The following CADM2 variants were observed in gnomAD, a reference collection of about 807,000 sequenced individuals.
The protein encoded by CADM2 is immunoglobulin superfamily member 4D.
A neutral mutation model predicts 49.8 loss-of-function variants in CADM2; 12 were observed. The ratio of observed to expected loss-of-function variants is 0.24; its 90% CI spans 0.15 to 0.39. The LOEUF (loss-of-function observed/expected upper bound fraction) is 0.39. CADM2 is among the 10% of genes least tolerant of loss of function. The pLI, the probability that CADM2 is intolerant of heterozygous loss-of-function variation, is 1.00. For missense variants in CADM2, 378 were observed against 492.3 expected, an observed-to-expected ratio of 0.77 and a Z score of 2.20; for synonymous variants, 214 against 175.4, an observed-to-expected ratio of 1.22 and a Z score of -1.74.
chr3:85,246,212 C>T (rs112408058), intron 1 of CADM2, among the ~76,000 whole-genome samples: 19 of 152,098 alleles, frequency 1.2e-4, no homozygotes, highest in Admixed American at 3.3e-4. Flanking sequence ...AACCAAACAC[C>T]GCATGTTCTC....
intron 1 of CADM2, among the ~76,000 whole-genome samples, chr3:85,662,355 A>G (rs1194851685): frequency 1.3e-5 from 2 of 151,846 alleles, no homozygotes; most frequent in Non-Finnish European, 2.9e-5. Flanking sequence ...CATTTACACA[A>G]TTGCTGCTTC....
At chr3:85,971,393 C>A (rs1015864759) in intron 8 of CADM2, among the ~76,000 whole-genome samples, 3 of 151,616 alleles carry the variant, frequency 2.0e-5, no homozygotes, top group Admixed American at 6.6e-5. Context: ...GATGAGGAAG[C>A]ATAGATGCAT....
At chr3:85,693,566 C>CAAAAAAAAAAAA (rs562723713) in intron 1 of CADM2, among the ~76,000 whole-genome samples, 2 of 76,118 alleles carry the variant, frequency 2.6e-5, no homozygotes, top group Non-Finnish European at 4.9e-5. Context: ...GGCGAAAGAG[C>CAAAAAAAAAAAA]AAAAAAAAAA....
chr3:85,055,918 A>C (rs564172438), intron 1 of CADM2, among the ~76,000 whole-genome samples: 1 of 152,126 alleles, frequency 6.6e-6, no homozygotes, highest in South Asian at 2.1e-4. Context: ...AGATTTGAGA[A>C]GCACCACTCT....
chr3:85,813,713 G>A (rs887181301), intron 3 of CADM2, among the ~76,000 whole-genome samples: 1 of 152,072 alleles, frequency 6.6e-6, no homozygotes, highest in African/African-American at 2.4e-5. Flanking sequence ...GTTGTTTTTT[G>A]TATAAGGTGT....
At chr3:86,033,474 T>A (rs1053636322) in intron 8 of CADM2, among the ~76,000 whole-genome samples, 13 of 151,830 alleles carry the variant, frequency 8.6e-5, no homozygotes, top group Admixed American at 5.3e-4. Context: ...GCATCCTCTG[T>A]ACAGTAGGTG....
chr3:86,023,993 A>G (rs1733544090), intron 8 of CADM2, among the ~76,000 whole-genome samples: 4 of 152,220 alleles, frequency 2.6e-5, no homozygotes, highest in African/African-American at 9.6e-5. Context: ...TCCCATTTCA[A>G]TCAAAATTTA....
intron 1 of CADM2, among the ~76,000 whole-genome samples, chr3:85,115,400 C>A (rs1419623748): frequency 6.6e-6 from 1 of 152,062 alleles, no homozygotes; most frequent in Admixed American, 6.6e-5. Context: ...GTTTTTAATT[C>A]ATATCTATTA....
chr3:85,154,941 G>A (rs375209566), intron 1 of CADM2, among the ~76,000 whole-genome samples: 1 of 151,722 alleles, frequency 6.6e-6, no homozygotes, highest in African/African-American at 2.4e-5. Context: ...TGAAGGAAGT[G>A]CTAAACATGG....
intron 1 of CADM2, among the ~76,000 whole-genome samples, chr3:85,600,759 T>A (rs936261780): frequency 6.6e-6 from 1 of 151,696 alleles, no homozygotes; most frequent in Admixed American, 6.6e-5. Flanking sequence ...AAATTTTCTG[T>A]ACATCAGTAT....
At chr3:85,441,492 T>C (rs558307768) in intron 1 of CADM2, among the ~76,000 whole-genome samples, 2 of 152,238 alleles carry the variant, frequency 1.3e-5, no homozygotes, top group South Asian at 4.1e-4. Flanking sequence ...ATTTGAAATA[T>C]AATCTACCAT....
intron 1 of CADM2, among the ~76,000 whole-genome samples, chr3:85,268,389 TA>T (rs1232899618): frequency 6.6e-6 from 1 of 151,466 alleles, no homozygotes; most frequent in African/African-American, 2.4e-5. Flanking sequence ...ATTTTTAAAC[TA>T]AATTGATTAA....
At chr3:85,916,032 G>A (rs1183822669) in intron 6 of CADM2, among the ~76,000 whole-genome samples, 6 of 152,096 alleles carry the variant, frequency 3.9e-5, no homozygotes, top group Non-Finnish European at 7.4e-5. Flanking sequence ...TATATTTCTA[G>A]GGCTTAACTG....
chr3:85,281,415 C>T lies in CADM2; in HGVS notation c.61+321747C>T, dbSNP rs540391455. 4.6e-5 allele frequency among the ~76,000 whole-genome samples: 7 copies of T among 151,990 alleles called. No individual in the cohort carries two copies. In the East Asian group the frequency reaches 5.8e-4, roughly 13 times the overall value. On this transcript the variant is annotated intron_variant, in intron 1 of 9. Transcript: ENST00000383699. ...GATCAAACCTATTCTGGAGGTTATA[C>T]GTTTAAAAGGCCAATTTACAATATT...
intron 1 of CADM2, among the ~76,000 whole-genome samples, chr3:85,596,223 A>G (rs72911213): frequency 0.041 from 6,177 of 151,624 alleles, 417 homozygotes; most frequent in African/African-American, 0.14. Flanking sequence ...AATTCATTTG[A>G]GGTATCTTAT....
At chr3:85,334,953 A>G (rs2045036895) in intron 1 of CADM2, among the ~76,000 whole-genome samples, 2 of 151,386 alleles carry the variant, frequency 1.3e-5, no homozygotes, top group East Asian at 3.9e-4. Flanking sequence ...AATGTAATAA[A>G]AATAGGGCTA....
chr3:85,825,789 T>A (rs2108207326), intron 3 of CADM2, among the ~76,000 whole-genome samples: 1 of 152,144 alleles, frequency 6.6e-6, no homozygotes, highest in African/African-American at 2.4e-5. Context: ...GGGTTACAAA[T>A]GTTTTTTGTT....
chr3:85,116,161 T>C (rs943696286), intron 1 of CADM2, among the ~76,000 whole-genome samples: 24 of 152,074 alleles, frequency 1.6e-4, no homozygotes, highest in African/African-American at 5.8e-4. Flanking sequence ...ACCCAGTCTC[T>C]ACTAAAAATA....
At chr3:85,185,573 A>G (rs1192517733) in intron 1 of CADM2, among the ~76,000 whole-genome samples, 2 of 152,140 alleles carry the variant, frequency 1.3e-5, no homozygotes, top group Non-Finnish European at 2.9e-5. Context: ...TTACCTTTAG[A>G]CACACCATGC....
Sources: gnomAD v4.1 joint callset for allele counts (sites outside exome capture counted in the v4.1 genomes callset) on GRCh38, gnomAD v4.1.1 for gene constraint, MANE v1.5 for transcripts, NCBI Gene and HGNC (gene_info 2026-07-23, HGNC 2026-07-21) for gene names.